NAA16: variants seen among roughly 807,000 people sequenced by gnomAD.
NAA16 encodes the protein NARG1-like protein.
Under a neutral mutation model 110.3 loss-of-function variants are expected in NAA16, and 97 were observed. The ratio of observed to expected loss-of-function variants is 0.88; its 90% CI spans 0.75 to 1.04. The LOEUF is 1.04. Ranked by LOEUF, NAA16 falls within the 50% of genes least tolerant of loss-of-function variation. The probability of loss-of-function intolerance (pLI) is 0.00; values close to 1 mark genes in which losing one functional copy is unlikely to be tolerated. For missense variants in NAA16, 1,017 were observed against 1,005.1 expected (o/e 1.01, Z -0.16); for synonymous variants, 372 against 330.6 (o/e 1.13, Z -1.36).
At chr13:41,357,019 A>G (rs956719841) in intron 10 of NAA16, among the ~76,000 whole-genome samples, 2 of 152,204 alleles carry the variant, frequency 1.3e-5, no homozygotes, top group Non-Finnish European at 2.9e-5. Context: ...ATACTCATTA[A>G]AAAGGTCCAT....
At chr13:41,368,631 T>A (rs1473021244) in intron 14 of NAA16, among the ~76,000 whole-genome samples, 1 of 152,234 alleles carries the variant, frequency 6.6e-6, no homozygotes, top group Non-Finnish European at 1.5e-5. Context: ...TCCATTTTTG[T>A]GGGTTCCACA....
chr13:41,369,557 C>T (rs1169417677), intron 15 of NAA16, among the ~76,000 whole-genome samples: 2 of 152,100 alleles, frequency 1.3e-5, no homozygotes, highest in East Asian at 1.9e-4. Flanking sequence ...CCTTACATGG[C>T]AAGGGAGAAT....
At chr13:41,336,933 G>A (rs1320593721) in intron 9 of NAA16, among the ~76,000 whole-genome samples, 177 bp downstream of exon 9, 1 of 152,064 alleles carries the variant, frequency 6.6e-6, no homozygotes, top group Non-Finnish European at 1.5e-5. Context: ...AAAGTAAAGG[G>A]TTTATGAAAG....
At chr13:41,352,697 G>T (rs984612781) in intron 9 of NAA16, among the ~76,000 whole-genome samples, 13 of 152,192 alleles carry the variant, frequency 8.5e-5, no homozygotes, top group African/African-American at 2.6e-4. Context: ...TATTCAAGAA[G>T]TATGCCTAAT....
chr13:41,373,640 C>A lies in NAA16; in HGVS notation c.2159C>A (p.Ser720Tyr). The A allele has an allele frequency of 6.3e-7, 1 of 1,589,896 alleles. No individual in the cohort carries two copies. Among genetic ancestry groups the A allele is most frequent in the South Asian group, 1.2e-5 (1 of 86,890 alleles). ...ECLIRFSKSV[S>Y]NHSNLPDIVS... ...CCAAATGTTTTTGTTTTTATAGTGTCTAATCATAGTAATCTTCCAGACATT... is the reference window on the plus strand; with the variant it reads ...CCAAATGTTTTTGTTTTTATAGTGTATAATCATAGTAATCTTCCAGACATT... The change falls in exon 18 of 20, where the codon TCT (serine) becomes TAT (tyrosine). Residue 720 changes from serine to tyrosine, a missense_variant. Physicochemically the swap from Ser to Tyr is moderately radical, Grantham distance 144. Coordinates refer to ENST00000379406, the MANE Select transcript of NAA16 (RefSeq NM_024561.5).
intron 9 of NAA16, among the ~76,000 whole-genome samples, chr13:41,351,562 G>A (rs2042836046): frequency 6.6e-6 from 1 of 152,128 alleles, no homozygotes; most frequent in Non-Finnish European, 1.5e-5. Context: ...TTGTCTTTAA[G>A]GTTAATGAAG....
rs530212487 is a variant in NAA16, at chr13:41,338,360, T to C, written c.1014+1604T>C. On this transcript the variant is annotated intron_variant, in intron 9 of 19. Transcript: ENST00000379406. ...TTACTTTTTAAAAATTCTTCTAATA[T>C]TGATCCAAAGTTGCCATTACAAAAA... 3.9e-5 allele frequency among the ~76,000 whole-genome samples: 6 copies of C among 152,298 alleles called. No individual in the cohort carries two copies. The East Asian group carries it at 1.2e-3, about 29-fold the overall frequency.
intron 4 of NAA16, among the ~76,000 whole-genome samples, chr13:41,322,390 G>C (rs1159637570): frequency 2.6e-5 from 4 of 152,166 alleles, no homozygotes; most frequent in Admixed American, 6.5e-5. Flanking sequence ...GTAACTTCTA[G>C]GGTGTGGCTG....
At chr13:41,316,088 T>C (rs1483755164) in intron 1 of NAA16, among the ~76,000 whole-genome samples, 1 of 152,072 alleles carries the variant, frequency 6.6e-6, no homozygotes, top group Non-Finnish European at 1.5e-5. Context: ...GGAAACAAAA[T>C]AAAAAATTCT....
In NAA16 at chr13:41,375,680, A is replaced by G; in HGVS notation, c.*78A>G. On this transcript the variant is annotated 3_prime_UTR_variant, in exon 20 of 20. Transcript: ENST00000379406. ...TTTCTTTTCCAGGGTGCATTTTAATATACGTATGAAATGAAATATTTGGTT... is the reference window on the plus strand; with the variant it reads ...TTTCTTTTCCAGGGTGCATTTTAATGTACGTATGAAATGAAATATTTGGTT... 9.5e-7 allele frequency: 1 copy of G among 1,050,290 alleles called. No homozygotes were observed. The allele number at this position is 1,050,290 out of a possible 1,614,324, so 65.1% of individuals were successfully genotyped here. A position where few individuals can be genotyped will look rare whatever the true frequency, so the allele number is the denominator to read the frequency against.
Position 41,375,571 on chromosome 13 carries a change from C to CTAA in NAA16, c.2566_2568dup (p.Asn856dup). ...CCTAATGTGGCACTGAACCATACAG[C>CTAA]TAATTATGATGTCTTGGCAAATGAA... On this transcript the variant is annotated inframe_insertion, in exon 20 of 20. Transcript: ENST00000379406. 6.2e-7 allele frequency: 1 copy of CTAA among 1,613,456 alleles called. No individual in the cohort carries two copies. Among genetic ancestry groups the CTAA allele is most frequent in the Non-Finnish European group, 8.5e-7 (1 of 1,179,670 alleles).
rs1388380419 is a variant in NAA16 at position 41,358,905 on chromosome 13, C to T, written c.1353C>T (p.Tyr451=). 5.0e-6 allele frequency: 8 copies of T among 1,612,028 alleles called. No homozygotes were observed. Among genetic ancestry groups the T allele is most frequent in the Non-Finnish European group, 6.8e-6 (8 of 1,178,612 alleles). ...DRFINSKCAK[Y]MLRANMIKEA... ...TCATCAATTCCAAATGTGCAAAATACATGCTTCGAGCAAATATGATAAAAG... is the reference window on the plus strand; with the variant it reads ...TCATCAATTCCAAATGTGCAAAATATATGCTTCGAGCAAATATGATAAAAG... Residue 451 remains tyrosine, a synonymous_variant, in exon 12 of 20, where the codon TAC becomes TAT. Transcript: ENST00000379406.
intron 9 of NAA16, among the ~76,000 whole-genome samples, chr13:41,352,507 T>G (rs1458916480): frequency 6.6e-6 from 1 of 151,426 alleles, no homozygotes; most frequent in Non-Finnish European, 1.5e-5. Flanking sequence ...ATACAAAAAT[T>G]AGCCAGGCAT....
chr13:41,360,017 A>G (rs978366708), intron 12 of NAA16, among the ~76,000 whole-genome samples: 14 of 152,136 alleles, frequency 9.2e-5, no homozygotes, highest in Non-Finnish European at 1.6e-4. Context: ...CACATAGTAA[A>G]TAGCACTAGG....
intron 12 of NAA16, among the ~76,000 whole-genome samples, chr13:41,359,212 T>C (rs763454556): frequency 5.3e-5 from 8 of 152,216 alleles, no homozygotes; most frequent in Non-Finnish European, 1.0e-4. Context: ...TTGGTACATA[T>C]ATAAAGAGTA....
At position 41,320,739 on chromosome 13, in the gene NAA16, C is replaced by G; in HGVS notation, c.317C>G (p.Ala106Gly). Residue 106 changes from alanine to glycine, a missense_variant, in exon 4 of 20, where the codon GCC becomes GGC. Ala to Gly is a moderately conservative substitution (Grantham distance 60). Transcript: ENST00000379406. ...YDEAIKCYRN[A>G]LKLDKDNLQI... ...GAAGCTATAAAATGTTACCGAAATGCCCTCAAATTAGATAAAGATAACCTG... is the reference window on the plus strand; with the variant it reads ...GAAGCTATAAAATGTTACCGAAATGGCCTCAAATTAGATAAAGATAACCTG... 1 of 1,613,230 alleles carries G rather than the reference C, an allele frequency of 6.2e-7. No individual in the cohort carries two copies. Among genetic ancestry groups the G allele is most frequent in the Non-Finnish European group, 8.5e-7 (1 of 1,179,810 alleles).
chr13:41,318,847 A>G lies in NAA16; in HGVS notation c.181A>G (p.Lys61Glu). 1 of 1,604,366 alleles carries G rather than the reference A, an allele frequency of 6.2e-7. No homozygotes were observed. The highest frequency in any genetic ancestry group is 1.7e-5 in the Admixed American group (1 of 58,464). Residue 61 changes from lysine (K) to glutamate (E), a missense_variant, in exon 3 of 20, where the codon AAA becomes GAA. Lys to Glu is a moderately conservative substitution (Grantham distance 56). Coordinates refer to ENST00000379406, the MANE Select transcript of NAA16 (RefSeq NM_024561.5). ...MKGLTLNCLG[K>E]KEEAYEFVRK... The stretch of plus-strand genomic sequence containing the variant: ...AGGATTAACACTGAACTGTTTAGGA[A>G]AAAAAGAAGAAGCTTATGAGTTTGT...
intron 3 of NAA16, among the ~76,000 whole-genome samples, chr13:41,319,585 A>G (rs1460331271): frequency 1.3e-5 from 2 of 151,950 alleles, no homozygotes; most frequent in Non-Finnish European, 2.9e-5. Context: ...GGCATGATCT[A>G]GGCTTACTGC....
At chr13:41,318,614 G>T (rs1054088968) in intron 2 of NAA16, among the ~76,000 whole-genome samples, 192 bp from the exon 3 acceptor site, 2 of 152,160 alleles carry the variant, frequency 1.3e-5, no homozygotes, top group African/African-American at 4.8e-5. Flanking sequence ...AAGGACTTGG[G>T]CTGCTAAGCT....
Sources: gnomAD v4.1 joint callset for allele counts (sites outside exome capture counted in the v4.1 genomes callset) on GRCh38, gnomAD v4.1.1 for gene constraint, MANE v1.5 for transcripts, NCBI Gene and HGNC (gene_info 2026-07-23, HGNC 2026-07-21) for gene names.